The following PDS5B variants were observed in gnomAD, a reference collection of about 807,000 sequenced individuals.
PDS5B encodes sister chromatid cohesion protein PDS5 homolog B.
PDS5B carries 51 observed loss-of-function variants against 184.1 expected under a neutral mutation model. The ratio of observed to expected loss-of-function variants is 0.28; its 90% CI spans 0.22 to 0.35. PDS5B has a LOEUF of 0.35. PDS5B is among the 10% of genes least tolerant of loss of function. The pLI, the probability that PDS5B is intolerant of heterozygous loss-of-function variation, is 1.00. For synonymous variants in PDS5B, 566 were observed against 569.2 expected (o/e 0.99, Z 0.08); for missense variants, 1,180 against 1,723.3 (o/e 0.68, Z 5.58).
chr13:32,646,978 C>T (rs1412224220), intron 1 of PDS5B, among the ~76,000 whole-genome samples: 8 of 152,124 alleles, frequency 5.3e-5, no homozygotes, highest in Non-Finnish European at 1.2e-4. Flanking sequence ...AGTTTAAATG[C>T]TATTCCTTTC....
intron 14 of PDS5B, among the ~76,000 whole-genome samples, chr13:32,694,968 T>G (rs1386814523): frequency 1.3e-5 from 2 of 151,856 alleles, no homozygotes; most frequent in African/African-American, 4.8e-5. Flanking sequence ...TTTTTCTTTT[T>G]CAGTTTAGAG....
intron 30 of PDS5B, among the ~76,000 whole-genome samples, chr13:32,761,851 T>TTC (rs772759142): frequency 2.6e-5 from 4 of 152,190 alleles, no homozygotes; most frequent in Non-Finnish European, 4.4e-5. Context: ...CAAATGGTAG[T>TTC]TCTGTTTTAG....
chr13:32,762,817 C>A (rs1954454913), intron 30 of PDS5B, among the ~76,000 whole-genome samples: 1 of 152,066 alleles, frequency 6.6e-6, no homozygotes, highest in Non-Finnish European at 1.5e-5. Flanking sequence ...CCTTATTCCT[C>A]TCAATTGTGT....
chr13:32,712,947 A>G (rs888808879), intron 19 of PDS5B, among the ~76,000 whole-genome samples: 2 of 152,224 alleles, frequency 1.3e-5, no homozygotes, highest in Non-Finnish European at 2.9e-5. Context: ...AAGATGAGTT[A>G]TGGGGTTCCA....
chr13:32,596,244 T>G (rs1457121508), intron 1 of PDS5B, among the ~76,000 whole-genome samples: 1 of 152,182 alleles, frequency 6.6e-6, no homozygotes, highest in East Asian at 1.9e-4. Flanking sequence ...CTCCAAACAC[T>G]CTTTGATTTT....
chr13:32,721,743 C>T (rs1274637713), intron 19 of PDS5B, among the ~76,000 whole-genome samples: 1 of 151,788 alleles, frequency 6.6e-6, no homozygotes, highest in Non-Finnish European at 1.5e-5. Context: ...AAGAGGCGCT[C>T]CTCACTTCCC....
At chr13:32,660,589 C>T (rs771614965) in intron 6 of PDS5B, among the ~76,000 whole-genome samples, 5 of 152,186 alleles carry the variant, frequency 3.3e-5, no homozygotes, top group Non-Finnish European at 7.4e-5. Context: ...ACAAACCCTC[C>T]TAGACACAAA....
chr13:32,637,888 A>G (rs1422217880), intron 1 of PDS5B, among the ~76,000 whole-genome samples: 3 of 152,206 alleles, frequency 2.0e-5, no homozygotes, highest in African/African-American at 7.2e-5. Flanking sequence ...TTACTGCATA[A>G]CAAATCACCC....
chr13:32,625,985 C>T (rs928772356), intron 1 of PDS5B, among the ~76,000 whole-genome samples: 3 of 151,954 alleles, frequency 2.0e-5, no homozygotes, highest in East Asian at 3.9e-4. Flanking sequence ...ATCACAGGCA[C>T]GCACTACCAA....
chr13:32,665,642 ATAGG>A (rs1566302473), intron 6 of PDS5B, among the ~76,000 whole-genome samples: 3 of 150,040 alleles, frequency 2.0e-5, no homozygotes, highest in Non-Finnish European at 3.0e-5. Context: ...CAACCTCAAG[ATAGG>A]AATGAATTTC....
chr13:32,669,880 T>C lies in PDS5B; in HGVS notation c.705+2036T>C, dbSNP rs534790582. Among the ~76,000 whole-genome samples the C allele has an allele frequency of 6.7e-4, 102 of 152,362 alleles. 1 individual carries two copies. Among genetic ancestry groups the C allele is most frequent in the African/African-American group, 2.4e-3 (99 of 41,588 alleles). Reference sequence around the variant, plus strand: ...CCTTTAGTTCCTTTTTGTCTACTTATGTTTCCATTTCAGACCTTTATAATT... The same window carrying C: ...CCTTTAGTTCCTTTTTGTCTACTTACGTTTCCATTTCAGACCTTTATAATT... On this transcript the variant is annotated intron_variant, in intron 7 of 34. Coordinates refer to ENST00000315596, the MANE Select transcript of PDS5B (RefSeq NM_015032.4).
chr13:32,725,706 T>A (rs1300278207), intron 19 of PDS5B, among the ~76,000 whole-genome samples: 1 of 152,224 alleles, frequency 6.6e-6, no homozygotes, highest in African/African-American at 2.4e-5. Flanking sequence ...ATTTTACATT[T>A]ATATCTCTTT....
chr13:32,594,185 T>G (rs2057820338), intron 1 of PDS5B, among the ~76,000 whole-genome samples: 1 of 152,178 alleles, frequency 6.6e-6, no homozygotes, highest in Non-Finnish European at 1.5e-5. Flanking sequence ...CTTATTTCTT[T>G]AGTGTTTGGG....
intron 1 of PDS5B, among the ~76,000 whole-genome samples, chr13:32,605,068 A>G (rs533485078): frequency 6.8e-4 from 104 of 152,144 alleles, no homozygotes; most frequent in Middle Eastern, 3.4e-3. Flanking sequence ...TTGTGTCTCT[A>G]TCTCCTTCAG....
In PDS5B at chr13:32,656,273, C is replaced by CTTTTTTTTTTT. The variant is rs71071057; in HGVS notation, c.313-1957_313-1947dup. On this transcript the variant is annotated intron_variant, in intron 3 of 34. Transcript: ENST00000315596. ...TTGGGTAATGTGATGTCTCCAGCTTCTTTTTTTTTTTTTTTTTTTGCTTAG... is the reference window on the plus strand; with the variant it reads ...TTGGGTAATGTGATGTCTCCAGCTTCTTTTTTTTTTTTTTTTTTTTTTTTTTTTTTGCTTAG... Among the ~76,000 whole-genome samples, 56 of 96,786 alleles carry CTTTTTTTTTTT rather than the reference C, an allele frequency of 5.8e-4. 1 individual carries two copies. Among genetic ancestry groups the CTTTTTTTTTTT allele is most frequent in the African/African-American group, 2.0e-3 (50 of 25,120 alleles). The allele number at this position is 96,786 out of a possible 152,430, so 63.5% of individuals were successfully genotyped here.
chr13:32,587,644 C>A (rs1488768438), intron 1 of PDS5B, among the ~76,000 whole-genome samples: 1 of 152,276 alleles, frequency 6.6e-6, no homozygotes, highest in East Asian at 1.9e-4. Context: ...TTGCCGCGGA[C>A]GGGGCGAGCT....
intron 19 of PDS5B, among the ~76,000 whole-genome samples, chr13:32,719,535 AC>A (rs1318604770): frequency 6.6e-6 from 1 of 150,888 alleles, no homozygotes; most frequent in African/African-American, 2.4e-5. Flanking sequence ...TCTATGTGTT[AC>A]CCCCCACTCC....
Position 32,635,001 on chromosome 13 carries a change from C to CTTTT in PDS5B, c.-19-13735_-19-13732dup, listed in dbSNP as rs4057820. On this transcript the variant is annotated intron_variant, in intron 1 of 34. Coordinates refer to ENST00000315596, the MANE Select transcript of PDS5B (RefSeq NM_015032.4). ...ACCTCAGCAATATTTCTTACTGCCT[C>CTTTT]TTTTTTTTTTTTTTTTTTTTTAAAG... Among the ~76,000 whole-genome samples the CTTTT allele has an allele frequency of 1.5e-5, 2 of 129,114 alleles. 1 individual carries two copies. Among genetic ancestry groups the CTTTT allele is most frequent in the African/African-American group, 5.9e-5 (2 of 34,182 alleles). The allele number at this position is 129,114 out of a possible 152,430, so 84.7% of individuals were successfully genotyped here. A position where few individuals can be genotyped will look rare whatever the true frequency, so the allele number is the denominator to read the frequency against.
At chr13:32,714,286 C>A (rs767837703) in intron 19 of PDS5B, among the ~76,000 whole-genome samples, 3 of 152,054 alleles carry the variant, frequency 2.0e-5, no homozygotes, top group African/African-American at 7.2e-5. Flanking sequence ...TGAGATCAAC[C>A]GGTCTGACCA....
Sources: gnomAD v4.1 joint callset for allele counts (sites outside exome capture counted in the v4.1 genomes callset) on GRCh38, gnomAD v4.1.1 for gene constraint, MANE v1.5 for transcripts, NCBI Gene and HGNC (gene_info 2026-07-23, HGNC 2026-07-21) for gene names.